Variants in RANBP2 observed in about 807,000 individuals in gnomAD.
RANBP2 encodes RAN binding protein 2.
A neutral mutation model predicts 303.6 loss-of-function variants in RANBP2; 57 were observed. That is an observed-to-expected ratio of 0.19 (90% CI 0.15 to 0.23). RANBP2 has a LOEUF of 0.23. Ranked by LOEUF, RANBP2 falls within the 10% of genes least tolerant of loss-of-function variation. RANBP2 has a pLI of 1.00. For missense variants in RANBP2, 3,138 were observed against 3,780.8 expected (o/e 0.83, Z 4.46); for synonymous variants, 1,167 against 1,301.5 (o/e 0.90, Z 2.23).
chr2:109,506,745 T>C, the RANBP2 span, among the ~76,000 whole-genome samples: 1 of 152,206 alleles, frequency 6.6e-6, no homozygotes, highest in African/African-American at 2.4e-5. Context: ...TGACTTCCAA[T>C]CTCTGGCTTT....
chr2:108,746,145 C>CATCG (rs976524357), intron 7 of RANBP2, among the ~76,000 whole-genome samples: 9 of 150,596 alleles, frequency 6.0e-5, no homozygotes, highest in Admixed American at 4.0e-4. Flanking sequence ...TGGGCTCAAG[C>CATCG]GATCCCCCCA....
the RANBP2 span, among the ~76,000 whole-genome samples, chr2:109,701,741 A>G: frequency 2.0e-5 from 3 of 152,284 alleles, no homozygotes; most frequent in East Asian, 5.8e-4. Flanking sequence ...TTACTCAGGA[A>G]TAAAACGGAG....
At chr2:109,093,586 G>T in the RANBP2 span, among the ~76,000 whole-genome samples, 2,296 of 151,780 alleles carry the variant, frequency 0.015, 61 homozygotes, top group African/African-American at 0.051. Context: ...AATATTGGCT[G>T]TCCTGGCTAG....
the RANBP2 span, among the ~76,000 whole-genome samples, chr2:109,731,739 C>T: frequency 2.0e-5 from 3 of 151,774 alleles, no homozygotes; most frequent in East Asian, 1.9e-4. Flanking sequence ...CCCCCAGCCT[C>T]GGCCTCCCAA....
the RANBP2 span, among the ~76,000 whole-genome samples, chr2:109,149,772 G>A: frequency 6.6e-6 from 1 of 152,210 alleles, no homozygotes; most frequent in South Asian, 2.1e-4. Flanking sequence ...GTGACAATTG[G>A]AAAACCTTAG....
the RANBP2 span, among the ~76,000 whole-genome samples, chr2:109,193,054 A>C: frequency 1.3e-5 from 2 of 152,220 alleles, no homozygotes; most frequent in Non-Finnish European, 2.9e-5. Context: ...TGTGCCAAGA[A>C]ATTACTTAGT....
chr2:109,585,703 A>T, the RANBP2 span: 1 of 1,515,356 alleles, frequency 6.6e-7, no homozygotes, highest in South Asian at 1.1e-5. Flanking sequence ...ACTTAGAGGA[A>T]GAGTAGGTGG....
the RANBP2 span, chr2:109,616,291 C>A: frequency 2.0e-6 from 1 of 500,364 alleles, no homozygotes; most frequent in South Asian, 9.2e-5. Flanking sequence ...CTGCCCTCCA[C>A]TTCCCTGCCC....
the RANBP2 span, among the ~76,000 whole-genome samples, chr2:108,854,028 AT>A: frequency 9.2e-6 from 1 of 109,090 alleles, no homozygotes; most frequent in Non-Finnish European, 1.8e-5. Flanking sequence ...ATAAATTTAT[AT>A]TATATATAAT....
the RANBP2 span, among the ~76,000 whole-genome samples, chr2:108,925,741 C>T: frequency 6.6e-6 from 1 of 152,116 alleles, no homozygotes; most frequent in African/African-American, 2.4e-5. Context: ...CCTCAGCCTC[C>T]CAAGTAGCTG....
chr2:109,794,605 CGGCGGGGGGGG>C, the RANBP2 span: 1 of 831,964 alleles, frequency 1.2e-6, no homozygotes, highest in Non-Finnish European at 1.4e-6. Flanking sequence ...GCGGCGGCGG[CGGCGGGGGGGG>C]CGGCGGCGGC....
chr2:108,880,452 C>T, the RANBP2 span, among the ~76,000 whole-genome samples: 1 of 152,140 alleles, frequency 6.6e-6, no homozygotes, highest in African/African-American at 2.4e-5. Flanking sequence ...TAATGGCATC[C>T]AGAAGGCTAA....
At chr2:109,667,432 G>T in the RANBP2 span, 30 of 370,896 alleles carry the variant, frequency 8.1e-5, no homozygotes, top group Non-Finnish European at 1.2e-4. Flanking sequence ...CTATAGGTTA[G>T]AGGCAGGGCT....
At chr2:108,791,814 A>G in the RANBP2 span, 2 of 1,567,416 alleles carry the variant, frequency 1.3e-6, no homozygotes, top group Non-Finnish European at 1.7e-6. Flanking sequence ...TAAAATAAAT[A>G]TTTTAGAACA....
At chr2:109,456,046 A>G in the RANBP2 span, among the ~76,000 whole-genome samples, 1 of 152,216 alleles carries the variant, frequency 6.6e-6, no homozygotes, top group East Asian at 1.9e-4. Flanking sequence ...CTCTGTCATC[A>G]GGTGCAGCCA....
the RANBP2 span, among the ~76,000 whole-genome samples, chr2:109,027,049 G>C: frequency 6.6e-6 from 1 of 152,142 alleles, no homozygotes; most frequent in Non-Finnish European, 1.5e-5. Context: ...TTTAAAACCA[G>C]CTTGGTGCGT....
the RANBP2 span, among the ~76,000 whole-genome samples, chr2:109,488,876 T>C: frequency 2.2e-4 from 33 of 152,274 alleles, no homozygotes; most frequent in South Asian, 6.6e-3. Context: ...AGAGGGGAGA[T>C]AGGCCGGGAG....
chr2:109,121,378 TA>T, the RANBP2 span, among the ~76,000 whole-genome samples: 3 of 152,082 alleles, frequency 2.0e-5, no homozygotes, highest in Non-Finnish European at 4.4e-5. Context: ...TTTCTAGGAA[TA>T]AAAAAAATCC....
the RANBP2 span, among the ~76,000 whole-genome samples, chr2:109,426,270 A>G: frequency 6.6e-6 from 1 of 152,254 alleles, no homozygotes; most frequent in Non-Finnish European, 1.5e-5. Context: ...GGATCTGGGC[A>G]AAGTAAATTG....
Sources: allele counts gnomAD v4.1 joint callset (sites outside exome capture counted in the v4.1 genomes callset), GRCh38; gene constraint gnomAD v4.1.1; transcripts MANE v1.5; gene names NCBI Gene and HGNC (gene_info 2026-07-23, HGNC 2026-07-21).